The following SARDH variants were observed in gnomAD, a reference collection of about 807,000 sequenced individuals.
SARDH encodes sarcosine dehydrogenase.
A neutral mutation model predicts 109.1 loss-of-function variants in SARDH; 95 were observed. The ratio of observed to expected loss-of-function variants is 0.87; its 90% CI spans 0.74 to 1.03. The LOEUF (loss-of-function observed/expected upper bound fraction) is 1.03. SARDH is among the 50% of genes least tolerant of loss of function. The pLI is 0.00. For missense variants in SARDH, 1,267 were observed against 1,287.8 expected (o/e 0.98, Z 0.25); for synonymous variants, 572 against 534.8 (o/e 1.07, Z -0.96).
intron 17 of SARDH, among the ~76,000 whole-genome samples, chr9:133,681,138 G>A (rs1266190093): frequency 6.6e-6 from 1 of 152,210 alleles, no homozygotes; most frequent in African/African-American, 2.4e-5. Flanking sequence ...CTCAGCACCG[G>A]GGACATCTGC....
In SARDH at chr9:133,671,679, A is replaced by G. The variant is rs758817966; in HGVS notation, c.2182T>C (p.Ser728Pro). ...AGHLVRAMRL[S>P]FVGELGWELH... Reference sequence around the variant, plus strand: ...TCCCAGCCCAGCTCCCCCACAAAGGACAGCCGCATGGCTCGGACCTGGGGG... The same window carrying G: ...TCCCAGCCCAGCTCCCCCACAAAGGGCAGCCGCATGGCTCGGACCTGGGGG... Residue 728 changes from serine (S) to proline (P), a missense_variant, in exon 18 of 21, where the codon TCC (serine) becomes CCC (proline). Transcript: ENST00000439388. 3.2e-6 allele frequency: 5 copies of G among 1,581,292 alleles called. No individual in the cohort carries two copies. The East Asian group carries it at 9.3e-5, about 29-fold the overall frequency.
intron 8 of SARDH, 25 bp from the exon 9 acceptor site, chr9:133,713,149 G>GAAGGAGAGAGAGGCCTGC: frequency 6.2e-7 from 1 of 1,600,692 alleles, no homozygotes; most frequent in Admixed American, 1.7e-5. Flanking sequence ...GAGAGGCCTG[G>GAAGGAGAGAGAGGCCTGC]AGTCCCTTTT....
chr9:133,718,767 C>T lies in SARDH; in HGVS notation c.1020+171G>A. The T allele has an allele frequency of 1.3e-6, 1 of 782,686 alleles. No homozygotes were observed. 48.5% of individuals were successfully genotyped at this position (782,686 alleles called of 1,614,324 possible). On this transcript the variant is annotated intron_variant, in intron 7 of 20. Transcript: ENST00000439388. This position sits in a 1 kb window ranked among gnomAD's most constrained non-coding sequence, Gnocchi z 4.2. Reference sequence around the variant, plus strand: ...GTCTGTATTTGACTGCCTGCCAGGACCGTCAGGGTAAGAGCAAGATGGCTT... The same window carrying T: ...GTCTGTATTTGACTGCCTGCCAGGATCGTCAGGGTAAGAGCAAGATGGCTT...
chr9:133,729,347 TC>T (rs1430555024), intron 6 of SARDH, among the ~76,000 whole-genome samples: 1 of 152,066 alleles, frequency 6.6e-6, no homozygotes, highest in Non-Finnish European at 1.5e-5. Context: ...CAGAAGGCTC[TC>T]AGGGAGGTTA....
At position 133,730,092 on chromosome 9, in the gene SARDH, G is replaced by A. The variant is rs748322248; in HGVS notation, c.786C>T (p.Ile262=). Residue 262 remains isoleucine (I), a synonymous_variant, in exon 5 of 21, where the codon ATC becomes ATT. Transcript: ENST00000439388. The part of the protein sequence containing the change: ...VAGVETQHGS[I]QTPCVVNCAG... ...CACAGTTGACCACGCAGGGTGTCTG[G>A]ATGGAACCATGCTGAGTCTCCACAC... is the stretch of plus-strand genomic sequence containing the variant. 6.2e-7 allele frequency: 1 copy of A among 1,614,224 alleles called. No homozygotes were observed. The highest frequency in any genetic ancestry group is 1.7e-5 in the Admixed American group (1 of 60,028).
intron 8 of SARDH, among the ~76,000 whole-genome samples, chr9:133,715,225 C>T (rs578196285): frequency 6.6e-6 from 1 of 152,216 alleles, no homozygotes; most frequent in African/African-American, 2.4e-5. Flanking sequence ...GTCTCCCATC[C>T]AGCCGACAGA....
chr9:133,659,669 C>G (rs1046941158), downstream of SARDH, among the ~76,000 whole-genome samples: 2 of 152,126 alleles, frequency 1.3e-5, no homozygotes, highest in African/African-American at 4.8e-5. Flanking sequence ...CAAGGCACTT[C>G]ACTTCATCAC....
At chr9:133,665,251 TC>T (rs1830023008) in intron 20 of SARDH, among the ~76,000 whole-genome samples, 1 of 152,152 alleles carries the variant, frequency 6.6e-6, no homozygotes, top group Non-Finnish European at 1.5e-5. Flanking sequence ...TATGGACCCA[TC>T]CCTGACTCCG....
Position 133,731,325 on chromosome 9 carries a change from C to T in SARDH, c.670G>A (p.Ala224Thr). The change falls in exon 4 of 21, where the codon GCT becomes ACT. Residue 224 changes from alanine (A) to threonine (T), a missense_variant. By Grantham distance (58) the Ala-to-Thr change is moderately conservative (BLOSUM62 0). Transcript: ENST00000439388. The part of the protein sequence containing the change: ...AGTCTTLARA[A>T]SARGAQVIEN... ...AGTACCTGTGCTCCTCGGGCAGAAG[C>T]TGCCCTGGCGAGGGTGGTACAGGTG... 1.2e-6 allele frequency: 2 copies of T among 1,614,146 alleles called. No homozygotes were observed. Among genetic ancestry groups the T allele is most frequent in the Non-Finnish European group, 1.7e-6 (2 of 1,179,994 alleles).
chr9:133,673,737 ATAGCC>A (rs1236258491), intron 17 of SARDH, among the ~76,000 whole-genome samples: 1 of 152,236 alleles, frequency 6.6e-6, no homozygotes, highest in Non-Finnish European at 1.5e-5. Context: ...CTAATTTTAG[ATAGCC>A]TATGGAGGAG....
intron 15 of SARDH, among the ~76,000 whole-genome samples, chr9:133,691,373 A>G (rs892676935): frequency 1.3e-5 from 2 of 152,132 alleles, no homozygotes; most frequent in Non-Finnish European, 2.9e-5. Flanking sequence ...TCCATGATCA[A>G]CTTCCCTGAA....
intron 14 of SARDH, among the ~76,000 whole-genome samples, chr9:133,695,901 TG>T (rs1202213176): frequency 1.3e-5 from 2 of 151,934 alleles, no homozygotes; most frequent in African/African-American, 4.8e-5. Context: ...TGTGAGAGCA[TG>T]GGGGGGACTG....
At position 133,734,016 on chromosome 9, in the gene SARDH, G is replaced by A. The variant is rs137950387; in HGVS notation, c.158C>T (p.Ser53Leu). 5.5e-4 allele frequency: 882 copies of A among 1,613,134 alleles called. 5 individuals are homozygous for A. Among genetic ancestry groups the A allele is most frequent in the South Asian group, 2.4e-3 (219 of 91,068 alleles). The part of the protein sequence containing the change: ...QRTLKEGQGT[S>L]VVAQGPSRPL... ...CCGGCTTGGGCCTTGGGCCACCACCGAGGTGCCCTGTCCCTCCTTCAGGGT... is the reference window on the plus strand; with the variant it reads ...CCGGCTTGGGCCTTGGGCCACCACCAAGGTGCCCTGTCCCTCCTTCAGGGT... The change falls in exon 2 of 21, where the codon TCG (serine) becomes TTG (leucine). Residue 53 changes from serine to leucine, a missense_variant. Ser to Leu is a moderately radical substitution (Grantham distance 145). Transcript: ENST00000439388.
intron 16 of SARDH, among the ~76,000 whole-genome samples, chr9:133,689,410 G>C (rs1206556266): frequency 6.6e-6 from 1 of 151,976 alleles, no homozygotes; most frequent in African/African-American, 2.4e-5. Context: ...CCCTTAGCCT[G>C]GTGGGGGAGG....
At chr9:133,700,597 C>T (rs1180303986) in intron 13 of SARDH, among the ~76,000 whole-genome samples, 1 of 152,088 alleles carries the variant, frequency 6.6e-6, no homozygotes, top group African/African-American at 2.4e-5. Flanking sequence ...CATTCTAAAA[C>T]TAGATCATGG....
Position 133,666,164 on chromosome 9 carries a change from G to T in SARDH, c.2631+571C>A, listed in dbSNP as rs575414158. 1.6e-3 allele frequency among the ~76,000 whole-genome samples: 238 copies of T among 152,260 alleles called. No homozygotes were observed. The highest frequency in any genetic ancestry group is 5.6e-3 in the African/African-American group (231 of 41,554). On this transcript the variant is annotated intron_variant, in intron 20 of 20. Transcript: ENST00000439388. The surrounding 1 kb of genome is among the most constrained non-coding windows in gnomAD (Gnocchi z 5.2). ...CCAGGGGTCAGGGTCACCTGGAGGGGGTGGGGTTGCCTGGGGTCAGGGGTG... is the reference window on the plus strand; with the variant it reads ...CCAGGGGTCAGGGTCACCTGGAGGGTGTGGGGTTGCCTGGGGTCAGGGGTG...
rs145164594 is a variant in SARDH, at chr9:133,690,536, G to C, written c.1922-9C>G. The C allele has an allele frequency of 4.4e-6, 7 of 1,592,772 alleles. No individual in the cohort carries two copies. The highest frequency in any genetic ancestry group is 3.3e-4 in the Middle Eastern group (2 of 6,042). On this transcript the variant is annotated splice_polypyrimidine_tract_variant and intron_variant, in intron 15 of 20. Coordinates refer to ENST00000439388, the MANE Select transcript of SARDH (RefSeq NM_001134707.2). ...CAGGTAGTAACCGTCCCCTGGAAGA[G>C]AGGCACCTGGACTTAGAGCAGGATT... is the stretch of plus-strand genomic sequence containing the variant.
intron 6 of SARDH, among the ~76,000 whole-genome samples, chr9:133,719,347 C>T (rs935859250): frequency 6.6e-6 from 1 of 152,134 alleles, no homozygotes; most frequent in African/African-American, 2.4e-5. Flanking sequence ...ATATAACCGA[C>T]AAAGATGAGA....
At chr9:133,711,465 G>A (rs1187306268) in intron 10 of SARDH, among the ~76,000 whole-genome samples, 3 of 152,202 alleles carry the variant, frequency 2.0e-5, no homozygotes, top group African/African-American at 7.2e-5. Context: ...TATCATTTCC[G>A]GGACATTCCT....
Sources: allele counts gnomAD v4.1 joint callset (sites outside exome capture counted in the v4.1 genomes callset), GRCh38; gene constraint gnomAD v4.1.1; non-coding constraint Gnocchi (gnomAD v3.1); transcripts MANE v1.5; gene names NCBI Gene and HGNC (gene_info 2026-07-23, HGNC 2026-07-21).